LRRC8C: variants seen among roughly 807,000 people sequenced by gnomAD.
The protein encoded by LRRC8C is leucine rich repeat containing 8 VRAC subunit C, also known as volume-regulated anion channel subunit LRRC8C.
In LRRC8C, 20 loss-of-function variants were observed where a neutral mutation model predicts 55.3. That is an observed-to-expected ratio of 0.36 (90% CI 0.25 to 0.53). The LOEUF (loss-of-function observed/expected upper bound fraction) is 0.53, where lower values mean the gene tolerates loss of function less well. Ranked by LOEUF, LRRC8C falls within the 20% of genes least tolerant of loss-of-function variation. The probability of loss-of-function intolerance (pLI) is 0.92; values close to 1 mark genes in which losing one functional copy is unlikely to be tolerated. For missense variants in LRRC8C, 659 were observed against 951.4 expected, an observed-to-expected ratio of 0.69 and a Z score of 4.04; for synonymous variants, 376 against 360.7, an observed-to-expected ratio of 1.04 and a Z score of -0.48.
At chr1:89,668,897 AT>A (rs1206550060) in intron 1 of LRRC8C, among the ~76,000 whole-genome samples, 1 of 152,172 alleles carries the variant, frequency 6.6e-6, no homozygotes, top group African/African-American at 2.4e-5. Context: ...AACCAACACA[AT>A]TTTTTTGTTT....
the LRRC8C span, among the ~76,000 whole-genome samples, chr1:89,616,830 T>A: frequency 1.3e-5 from 2 of 152,230 alleles, no homozygotes; most frequent in Admixed American, 6.5e-5. Context: ...TGAGCCACTA[T>A]GAGTGCCTAC....
intron 1 of LRRC8C, among the ~76,000 whole-genome samples, chr1:89,675,421 G>A (rs1271777327): frequency 6.6e-6 from 1 of 152,150 alleles, no homozygotes. Flanking sequence ...AGCATTCCCC[G>A]CACATGGCTT....
chr1:89,681,287 A>C (rs535735423), intron 1 of LRRC8C, among the ~76,000 whole-genome samples: 1 of 152,210 alleles, frequency 6.6e-6, no homozygotes, highest in Admixed American at 6.5e-5. Context: ...AAGTACAAAA[A>C]AAGTTTTCAT....
chr1:89,660,973 C>G (rs1657102751), intron 1 of LRRC8C, among the ~76,000 whole-genome samples: 2 of 152,234 alleles, frequency 1.3e-5, no homozygotes, highest in Admixed American at 1.3e-4. Context: ...CATCCAGGCT[C>G]TGGACTCCTC....
intron 1 of LRRC8C, among the ~76,000 whole-genome samples, chr1:89,644,854 G>A (rs902955247): frequency 1.3e-5 from 2 of 152,216 alleles, no homozygotes; most frequent in African/African-American, 4.8e-5. Context: ...AGACATTTTA[G>A]CTGCTGCCCA....
chr1:89,709,987 G>C (rs1475478224), intron 2 of LRRC8C, among the ~76,000 whole-genome samples: 1 of 152,052 alleles, frequency 6.6e-6, no homozygotes, highest in Non-Finnish European at 1.5e-5. Context: ...TCCTGACCTC[G>C]TGATCCACCC....
chr1:89,679,126 G>A (rs1657632534), intron 1 of LRRC8C, among the ~76,000 whole-genome samples: 2 of 152,172 alleles, frequency 1.3e-5, no homozygotes, highest in African/African-American at 4.8e-5. Context: ...TTCCAAACAA[G>A]GGGGTCGGGG....
chr1:89,661,084 C>T (rs906569614), intron 1 of LRRC8C: 42 of 168,080 alleles, frequency 2.5e-4, no homozygotes, highest in African/African-American at 6.3e-4. Flanking sequence ...TCAGTGCAAT[C>T]GCCAATAGAT....
intron 1 of LRRC8C, among the ~76,000 whole-genome samples, chr1:89,644,087 C>G (rs1036468996): frequency 1.3e-5 from 2 of 152,124 alleles, no homozygotes; most frequent in African/African-American, 4.8e-5. Flanking sequence ...AATAAAACAT[C>G]AATGGTAGGA....
At chr1:89,655,368 C>T (rs375329717) in intron 1 of LRRC8C, among the ~76,000 whole-genome samples, 5 of 152,100 alleles carry the variant, frequency 3.3e-5, no homozygotes, top group East Asian at 3.9e-4. Flanking sequence ...GCTTTACTTT[C>T]GGTTTTAGTG....
intron 1 of LRRC8C, among the ~76,000 whole-genome samples, chr1:89,671,839 T>C (rs1657423970): frequency 6.6e-6 from 1 of 152,206 alleles, no homozygotes; most frequent in East Asian, 1.9e-4. Context: ...TGTGAAGCTT[T>C]ACATGAATCT....
At chr1:89,671,800 C>T (rs1657423201) in intron 1 of LRRC8C, among the ~76,000 whole-genome samples, 1 of 152,180 alleles carries the variant, frequency 6.6e-6, no homozygotes, top group Admixed American at 6.5e-5. Context: ...GCAGTTTTCT[C>T]CATTTAACAG....
chr1:89,632,977 G>T, upstream of LRRC8C: 1 of 152,324 alleles, frequency 6.6e-6, no homozygotes, highest in South Asian at 1.9e-4. Flanking sequence ...CCGCGGAGTC[G>T]ACTCGGCGGG....
intron 2 of LRRC8C, among the ~76,000 whole-genome samples, chr1:89,693,853 A>C (rs181368957): frequency 5.8e-4 from 88 of 151,440 alleles, no homozygotes; most frequent in African/African-American, 1.9e-3. Flanking sequence ...GACAGAGTTT[A>C]ACCATTTTGG....
intron 2 of LRRC8C, among the ~76,000 whole-genome samples, chr1:89,704,295 T>C (rs549792266): frequency 2.6e-4 from 40 of 152,272 alleles, no homozygotes; most frequent in Non-Finnish European, 4.7e-4. Flanking sequence ...AGATAGTATG[T>C]AACCTTTTGA....
intron 1 of LRRC8C, among the ~76,000 whole-genome samples, chr1:89,651,133 AG>A (rs1656763131): frequency 6.6e-6 from 1 of 152,230 alleles, no homozygotes; most frequent in Admixed American, 6.5e-5. Flanking sequence ...CAGGTCTCCA[AG>A]GGAGTTCTGA....
At chr1:89,630,246 C>A (rs964650716), upstream of LRRC8C, among the ~76,000 whole-genome samples, 1 of 152,176 alleles carries the variant, frequency 6.6e-6, no homozygotes, top group Non-Finnish European at 1.5e-5. Context: ...ATTGCTGTTA[C>A]CATACAACCC....
At chr1:89,621,140 C>T in the LRRC8C span, among the ~76,000 whole-genome samples, 1 of 152,042 alleles carries the variant, frequency 6.6e-6, no homozygotes, top group African/African-American at 2.4e-5. Context: ...TCCTCATCAT[C>T]CTAAGAAATA....
At chr1:89,685,607 T>C (rs1288159198) in intron 1 of LRRC8C, among the ~76,000 whole-genome samples, 1 of 152,158 alleles carries the variant, frequency 6.6e-6, no homozygotes, top group East Asian at 1.9e-4. Context: ...AAGTCCTGGG[T>C]CACACTAAAG....
Sources: allele counts gnomAD v4.1 joint callset (sites outside exome capture counted in the v4.1 genomes callset), GRCh38; gene constraint gnomAD v4.1.1; transcripts MANE v1.5; gene names NCBI Gene and HGNC (gene_info 2026-07-23, HGNC 2026-07-21).